KCNIP4: variants seen among roughly 807,000 people sequenced by gnomAD.
KCNIP4 encodes the protein potassium voltage-gated channel interacting protein 4.
Under a neutral mutation model 34.0 loss-of-function variants are expected in KCNIP4, and 12 were observed. That is an observed-to-expected ratio of 0.35 (90% CI 0.23 to 0.57). The LOEUF (loss-of-function observed/expected upper bound fraction) is 0.57, where lower values mean the gene tolerates loss of function less well. Among genes scored for constraint, KCNIP4 ranks in the 20% least tolerant of loss-of-function variants. The probability of loss-of-function intolerance (pLI) is 0.83; values close to 1 mark genes in which losing one functional copy is unlikely to be tolerated. For synonymous variants in KCNIP4, 124 were observed against 102.2 expected (o/e 1.21, Z -1.29); for missense variants, 238 against 311.7 (o/e 0.76, Z 1.78).
chr4:21,360,501 C>T (rs974037430), intron 1 of KCNIP4, among the ~76,000 whole-genome samples: 1 of 151,950 alleles, frequency 6.6e-6, no homozygotes, highest in African/African-American at 2.4e-5. Flanking sequence ...TGGGGAAAAC[C>T]TCTTTTATAT....
At chr4:21,576,657 A>C (rs915260635) in intron 1 of KCNIP4, among the ~76,000 whole-genome samples, 2 of 152,204 alleles carry the variant, frequency 1.3e-5, no homozygotes, top group Non-Finnish European at 2.9e-5. Flanking sequence ...AATGTTTAGA[A>C]GACTTCAAAG....
At chr4:20,739,647 G>T (rs1259837854) in intron 5 of KCNIP4, among the ~76,000 whole-genome samples, 1 of 152,166 alleles carries the variant, frequency 6.6e-6, no homozygotes, top group African/African-American at 2.4e-5. Flanking sequence ...AGAAACCAGA[G>T]CAGAAAAGCT....
At chr4:21,723,296 C>G (rs1338675935) in intron 1 of KCNIP4, among the ~76,000 whole-genome samples, 1 of 152,070 alleles carries the variant, frequency 6.6e-6, no homozygotes, top group African/African-American at 2.4e-5. Flanking sequence ...TGGACAGGGT[C>G]CCCAGGACCC....
chr4:21,802,221 GT>G (rs1721044701), intron 1 of KCNIP4, among the ~76,000 whole-genome samples: 1 of 152,078 alleles, frequency 6.6e-6, no homozygotes, highest in Non-Finnish European at 1.5e-5. Context: ...GAACATTTCA[GT>G]TTTTAGTGTT....
At chr4:21,167,636 T>C (rs924393804) in intron 1 of KCNIP4, among the ~76,000 whole-genome samples, 3 of 152,240 alleles carry the variant, frequency 2.0e-5, no homozygotes, top group Non-Finnish European at 4.4e-5. Flanking sequence ...ATTGTGCCCC[T>C]TAAAGATTAG....
intron 1 of KCNIP4, among the ~76,000 whole-genome samples, chr4:20,991,921 G>A (rs1195419309): frequency 6.6e-6 from 1 of 152,080 alleles, no homozygotes; most frequent in Non-Finnish European, 1.5e-5. Context: ...CCAGTTCTTG[G>A]GCACGAGATT....
intron 1 of KCNIP4, among the ~76,000 whole-genome samples, chr4:21,448,776 G>C (rs1728258708): frequency 6.6e-6 from 1 of 152,116 alleles, no homozygotes; most frequent in South Asian, 2.1e-4. Context: ...AACTGTCTCA[G>C]CATAAGTCAG....
chr4:20,931,186 CACACACACACAG>C (rs1730431400), intron 1 of KCNIP4, among the ~76,000 whole-genome samples: 1 of 151,602 alleles, frequency 6.6e-6, no homozygotes, highest in African/African-American at 2.4e-5. Flanking sequence ...TACACACACA[CACACACACACAG>C]ACACACACAC....
At chr4:21,482,594 A>G (rs1345802512) in intron 1 of KCNIP4, among the ~76,000 whole-genome samples, 4 of 152,160 alleles carry the variant, frequency 2.6e-5, no homozygotes, top group Non-Finnish European at 4.4e-5. Context: ...TGCATATGAA[A>G]TTCTGGGGTG....
intron 1 of KCNIP4, among the ~76,000 whole-genome samples, chr4:21,340,140 A>AT (rs1034444202): frequency 1.3e-5 from 2 of 151,984 alleles, no homozygotes; most frequent in African/African-American, 4.8e-5. Flanking sequence ...GTTAATCATC[A>AT]TTTTTCCCCC....
chr4:21,628,298 C>T (rs181589300), intron 1 of KCNIP4, among the ~76,000 whole-genome samples: 97 of 152,154 alleles, frequency 6.4e-4, no homozygotes, highest in African/African-American at 2.1e-3. Context: ...ACTGTGATTA[C>T]CCAATACCCC....
rs902629564 is a variant in KCNIP4, at chr4:21,511,226, G to A, written c.61+437345C>T. 3.3e-5 allele frequency among the ~76,000 whole-genome samples: 5 copies of A among 152,058 alleles called. No individual in the cohort carries two copies. In the East Asian group the frequency reaches 9.7e-4, roughly 29 times the overall value. The stretch of plus-strand genomic sequence containing the variant: ...GGTATTTCTAGAAACCTGATACTAG[G>A]AAACAGTGTATTAAAGAAATAATAA... On this transcript the variant is annotated intron_variant, in intron 1 of 8. Transcript: ENST00000382152.
At chr4:21,314,000 CG>C (rs1238546014) in intron 1 of KCNIP4, among the ~76,000 whole-genome samples, 2 of 152,154 alleles carry the variant, frequency 1.3e-5, no homozygotes, top group African/African-American at 4.8e-5. Flanking sequence ...GATGTAGGCT[CG>C]GGCTGTGATC....
At chr4:21,861,041 C>A (rs1310809380) in intron 1 of KCNIP4, among the ~76,000 whole-genome samples, 1 of 152,136 alleles carries the variant, frequency 6.6e-6, no homozygotes, top group African/African-American at 2.4e-5. Flanking sequence ...AAAAATGGGG[C>A]AGTTGTCAGA....
chr4:21,772,132 AG>A (rs1267480751), intron 1 of KCNIP4, among the ~76,000 whole-genome samples: 1 of 152,158 alleles, frequency 6.6e-6, no homozygotes, highest in African/African-American at 2.4e-5. Context: ...TTTAACACGA[AG>A]GGATGTTGAA....
chr4:21,858,004 C>T (rs1373000652), intron 1 of KCNIP4, among the ~76,000 whole-genome samples: 2 of 152,204 alleles, frequency 1.3e-5, no homozygotes, highest in Admixed American at 6.5e-5. Context: ...GCAGCAGCCT[C>T]ACAGGGAGGT....
intron 1 of KCNIP4, among the ~76,000 whole-genome samples, chr4:21,861,279 A>G (rs1725058556): frequency 6.6e-6 from 1 of 152,220 alleles, no homozygotes. Flanking sequence ...ATTTTTTGGT[A>G]AATTTATATA....
chr4:21,857,878 G>A (rs1166151181), intron 1 of KCNIP4, among the ~76,000 whole-genome samples: 1 of 152,218 alleles, frequency 6.6e-6, no homozygotes, highest in Non-Finnish European at 1.5e-5. Flanking sequence ...TAGCTCCCAA[G>A]CCAGGGCTGT....
At chr4:21,524,988 A>T (rs1394943992) in intron 1 of KCNIP4, among the ~76,000 whole-genome samples, 2 of 152,174 alleles carry the variant, frequency 1.3e-5, no homozygotes, top group African/African-American at 4.8e-5. Context: ...GTTTTCCAAT[A>T]GAGCCAGTAG....
Sources: gnomAD v4.1 joint callset for allele counts (sites outside exome capture counted in the v4.1 genomes callset) on GRCh38, gnomAD v4.1.1 for gene constraint, MANE v1.5 for transcripts, NCBI Gene and HGNC (gene_info 2026-07-23, HGNC 2026-07-21) for gene names.